The following FCRL3 variants were observed in gnomAD, a reference collection of about 807,000 sequenced individuals.
FCRL3 encodes the protein Fc receptor like 3, also known as Fc receptor-like protein 3.
In FCRL3, 89 loss-of-function variants were observed where a neutral mutation model predicts 75.0. The observed-to-expected ratio is 1.19, with a 90% confidence interval of 1.00 to 1.42. The LOEUF is 1.42. Among genes scored for constraint, FCRL3 ranks in the 40% most tolerant of loss-of-function variants. The pLI is 0.00. For missense variants in FCRL3, 946 were observed against 880.0 expected, an observed-to-expected ratio of 1.07 and a Z score of -0.95; for synonymous variants, 376 against 348.5, an observed-to-expected ratio of 1.08 and a Z score of -0.88.
intron 10 of FCRL3, among the ~76,000 whole-genome samples, chr1:157,685,868 T>G (rs938670557): frequency 5.9e-5 from 9 of 151,928 alleles, no homozygotes; most frequent in Admixed American, 1.3e-4. Flanking sequence ...AGATAAAAAT[T>G]AATGCATAAA....
chr1:157,697,773 T>A lies in FCRL3; in HGVS notation c.445A>T (p.Ile149Phe), dbSNP rs559388109. 1 of 1,614,166 alleles carries A rather than the reference T, an allele frequency of 6.2e-7. No individual in the cohort carries two copies. The highest frequency in any genetic ancestry group is 1.3e-5 in the African/African-American group (1 of 75,058). The change falls in exon 5 of 15, where the codon ATC (isoleucine) becomes TTC (phenylalanine). Residue 149 changes from isoleucine to phenylalanine, a missense_variant. Transcript: ENST00000368184. Reference sequence around the variant, plus strand: ...TCCCTGGAGACTGAATTCACTGTGATCTTCTCTAAATTATAACTATTAGGA... The same window carrying A: ...TCCCTGGAGACTGAATTCACTGTGAACTTCTCTAAATTATAACTATTAGGA... ...QLPNSYNLEK[I>F]TVNSVSRDNS... is the part of the protein sequence containing the mutation.
chr1:157,694,639 T>C (rs528819243), intron 8 of FCRL3, among the ~76,000 whole-genome samples: 1 of 152,298 alleles, frequency 6.6e-6, no homozygotes, highest in Admixed American at 6.5e-5. Flanking sequence ...TTCTAAATGA[T>C]TGGGCACATT....
rs370492097 is a variant in FCRL3 at position 157,696,021 on chromosome 1, G to A, written c.1132+19C>T. On this transcript the variant is annotated intron_variant, in intron 7 of 14. Transcript: ENST00000368184. ...CCTGGCTTGCAACTCGAGGCTGTGT[G>A]AAAGGAATCGGAACTTACTTCTCAC... The A allele has an allele frequency of 3.1e-6, 5 of 1,597,870 alleles. No homozygotes were observed. The African/African-American group carries it at 6.8e-5, about 22-fold the overall frequency.
intron 10 of FCRL3, among the ~76,000 whole-genome samples, chr1:157,684,413 G>A (rs1437405955): frequency 6.6e-6 from 1 of 152,202 alleles, no homozygotes; most frequent in East Asian, 1.9e-4. Context: ...CCTGAGTTAA[G>A]CTAGAGGGGT....
In FCRL3 at chr1:157,678,301, CA is replaced by C; in HGVS notation, c.*408del. On this transcript the variant is annotated 3_prime_UTR_variant, in exon 15 of 15. Coordinates refer to ENST00000368184, the MANE Select transcript of FCRL3 (RefSeq NM_052939.4). ...ATCAGCAATGCCACTACCAGCCACACAAAAAAGGGAAACAAAATATTTGGAG... is the reference window on the plus strand; with the variant it reads ...ATCAGCAATGCCACTACCAGCCACACAAAAAGGGAAACAAAATATTTGGAG... 9.9e-7 allele frequency: 1 copy of C among 1,011,518 alleles called. No homozygotes were observed. The highest frequency in any genetic ancestry group is 1.2e-6 in the Non-Finnish European group (1 of 845,828). The allele number at this position is 1,011,518 out of a possible 1,614,324, so 62.7% of individuals were successfully genotyped here. A position where few individuals can be genotyped will look rare whatever the true frequency, so the allele number is the denominator to read the frequency against.
intron 10 of FCRL3, among the ~76,000 whole-genome samples, chr1:157,686,469 C>A (rs1655184301): frequency 6.6e-6 from 1 of 151,934 alleles, no homozygotes; most frequent in South Asian, 2.1e-4. Flanking sequence ...AAAAAAGAGC[C>A]CAAATAGCCA....
chr1:157,676,965 G>A lies in FCRL3; in HGVS notation c.*1745C>T, dbSNP rs572379368. On this transcript the variant is annotated 3_prime_UTR_variant, in exon 15 of 15. Transcript: ENST00000368184. ...ACCATAGAGAAAAAAACAGCAGAAT[G>A]TATCACATAGAAGACAGAGACATTT... is the stretch of plus-strand genomic sequence containing the variant. 6 of 1,382,996 alleles carry A rather than the reference G, an allele frequency of 4.3e-6. No homozygotes were observed. The Admixed American group carries it at 1.5e-4, about 34-fold the overall frequency. The allele number at this position is 1,382,996 out of a possible 1,614,324, so 85.7% of individuals were successfully genotyped here.
At chr1:157,692,991 A>G (rs548600446) in intron 8 of FCRL3, among the ~76,000 whole-genome samples, 8 of 152,212 alleles carry the variant, frequency 5.3e-5, no homozygotes, top group Non-Finnish European at 1.0e-4. Context: ...TTCAACATGC[A>G]GTGGCTGGGC....
rs138226972 is a variant in FCRL3, at chr1:157,686,016, T to C, written c.1811-2772A>G. 3.3e-5 allele frequency among the ~76,000 whole-genome samples: 5 copies of C among 152,084 alleles called. No homozygotes were observed. The East Asian group carries it at 9.6e-4, about 29-fold the overall frequency. On this transcript the variant is annotated intron_variant, in intron 10 of 14. Coordinates refer to ENST00000368184, the MANE Select transcript of FCRL3 (RefSeq NM_052939.4). ...AAGAAATAAAAAGCACCCAAATAGCTAAATAAGTCACACTTTCTCTTTTCA... is the reference window on the plus strand; with the variant it reads ...AAGAAATAAAAAGCACCCAAATAGCCAAATAAGTCACACTTTCTCTTTTCA...
intron 8 of FCRL3, 74 bp from the exon 9 acceptor site, chr1:157,690,607 C>A: frequency 6.5e-7 from 1 of 1,548,672 alleles, no homozygotes; most frequent in South Asian, 1.2e-5. Flanking sequence ...AAGGAATATG[C>A]AGCATAGTTG....
At chr1:157,690,815 AT>A (rs1375636990) in intron 8 of FCRL3, among the ~76,000 whole-genome samples, 1 of 152,222 alleles carries the variant, frequency 6.6e-6, no homozygotes, top group African/African-American at 2.4e-5. Flanking sequence ...GTAAAGTACT[AT>A]AAAAATTGGT....
chr1:157,694,327 C>T (rs998068168), intron 8 of FCRL3, among the ~76,000 whole-genome samples: 4 of 152,140 alleles, frequency 2.6e-5, no homozygotes, highest in African/African-American at 4.8e-5. Flanking sequence ...GTTCAAGACT[C>T]GAGTCTCTGT....
At position 157,700,486 on chromosome 1, in the gene FCRL3, G is replaced by A. The variant is rs375543095; in HGVS notation, c.4C>T (p.Leu2Phe). 4.3e-6 allele frequency: 7 copies of A among 1,613,954 alleles called. No homozygotes were observed. The highest frequency in any genetic ancestry group is 5.1e-6 in the Non-Finnish European group (6 of 1,180,002). Residue 2 changes from leucine (L) to phenylalanine (F), a missense_variant, in exon 2 of 15, where the codon CTT becomes TTT. Leu to Phe is a conservative substitution (Grantham distance 22). Coordinates refer to ENST00000368184, the MANE Select transcript of FCRL3 (RefSeq NM_052939.4). The part of the protein sequence containing the change: M[L>F]LWLLLLILTP... ...AGGATCAGCAGCAGCAGCCACAGAA[G>A]CATGGGCACCGGCCGGGCAGAGGGT...
chr1:157,694,024 A>G (rs1001536510), intron 8 of FCRL3, among the ~76,000 whole-genome samples: 4 of 152,208 alleles, frequency 2.6e-5, no homozygotes, highest in Non-Finnish European at 5.9e-5. Flanking sequence ...TGCTAGGATT[A>G]CAGGCATGAG....
chr1:157,679,450 C>T (rs12096256), intron 13 of FCRL3, among the ~76,000 whole-genome samples: 5,773 of 152,198 alleles, frequency 0.038, 348 homozygotes, highest in African/African-American at 0.13. Flanking sequence ...CATTCTAAGG[C>T]CACATGACAA....
intron 6 of FCRL3, 179 bp downstream of exon 6, chr1:157,696,961 C>T (rs775690977): frequency 1.3e-4 from 63 of 471,106 alleles, no homozygotes; most frequent in Non-Finnish European, 1.9e-4. Context: ...TATTACCTGA[C>T]TCAAGTGGAA....
At chr1:157,691,680 CAG>C (rs1491554741) in intron 8 of FCRL3, 1 of 152,176 alleles carries the variant, frequency 6.6e-6, no homozygotes, top group Non-Finnish European at 1.5e-5. Context: ...CAGAGGGCCT[CAG>C]GGGTGAGTCT....
rs549842882 is a variant in FCRL3, at chr1:157,678,870, A to C, written c.2059-14T>G. 89 of 1,614,058 alleles carry C rather than the reference A, an allele frequency of 5.5e-5. 1 individual carries two copies. In the East Asian group the frequency reaches 1.9e-3, roughly 34 times the overall value. ...GACTGTAAGTTCCTGGTAGAAAAAA[A>C]CACAAAAGGTAAGTACCTAAATACA... is the stretch of plus-strand genomic sequence containing the variant. On this transcript the variant is annotated splice_polypyrimidine_tract_variant and intron_variant, in intron 14 of 14. Transcript: ENST00000368184.
At chr1:157,679,830 C>CAAAAAAAAAAAAAAAAAAA (rs1166825112) in intron 13 of FCRL3, among the ~76,000 whole-genome samples, 2 of 49,916 alleles carry the variant, frequency 4.0e-5, no homozygotes, top group African/African-American at 9.1e-5. Context: ...CCCCATCTCA[C>CAAAAAAAAAAAAAAAAAAA]AAAAAAAAAA....
Sources: gnomAD v4.1 joint callset for allele counts (sites outside exome capture counted in the v4.1 genomes callset) on GRCh38, gnomAD v4.1.1 for gene constraint, MANE v1.5 for transcripts, NCBI Gene and HGNC (gene_info 2026-07-23, HGNC 2026-07-21) for gene names.